The following MYH15 variants were observed in gnomAD, a reference collection of about 807,000 sequenced individuals.
MYH15 encodes myosin-15.
In MYH15, 227 loss-of-function variants were observed where a neutral mutation model predicts 240.5. The ratio of observed to expected loss-of-function variants is 0.94; its 90% CI spans 0.85 to 1.05. The LOEUF (loss-of-function observed/expected upper bound fraction) is 1.05, where lower values mean the gene tolerates loss of function less well. Among genes scored for constraint, MYH15 ranks in the 50% least tolerant of loss-of-function variants. The probability of loss-of-function intolerance (pLI) is 0.00; values close to 1 mark genes in which losing one functional copy is unlikely to be tolerated. For synonymous variants in MYH15, 785 were observed against 796.7 expected (o/e 0.99, Z 0.25); for missense variants, 2,217 against 2,247.5 (o/e 0.99, Z 0.27).
At chr3:108,404,751 A>G (rs746295398) in intron 33 of MYH15, among the ~76,000 whole-genome samples, 99 of 152,196 alleles carry the variant, frequency 6.5e-4, no homozygotes, top group Non-Finnish European at 1.3e-3. Flanking sequence ...CTCCTCTTCA[A>G]ACAAATGGCT....
At chr3:108,450,310 T>C (rs957584048) in intron 21 of MYH15, among the ~76,000 whole-genome samples, 5 of 152,288 alleles carry the variant, frequency 3.3e-5, no homozygotes, top group African/African-American at 1.2e-4. Flanking sequence ...TAAGTGTTCA[T>C]TGACAAATAA....
At chr3:108,422,577 T>C (rs1369510704) in intron 27 of MYH15, among the ~76,000 whole-genome samples, 5 of 152,222 alleles carry the variant, frequency 3.3e-5, no homozygotes. Context: ...CAGCAGTTAA[T>C]TTATTGGGTG....
rs201267238 is a variant in MYH15, at chr3:108,416,753, A to AT, written c.3948+58dup. 680 of 1,201,664 alleles carry AT rather than the reference A, an allele frequency of 5.7e-4. 1 individual carries two copies. The African/African-American group carries it at 0.013, about 22-fold the overall frequency. 74.4% of individuals were successfully genotyped at this position (1,201,664 alleles called of 1,614,324 possible). A position where few individuals can be genotyped will look rare whatever the true frequency, so the allele number is the denominator to read the frequency against. ...TCTTCAGGCTGATTCATCAAGCACTATTTTTTAAAAAAAAAAACACACAGT... is the reference window on the plus strand; with the variant it reads ...TCTTCAGGCTGATTCATCAAGCACTATTTTTTTAAAAAAAAAAACACACAGT... On this transcript the variant is annotated intron_variant, in intron 29 of 40. Transcript: ENST00000693548.
chr3:108,436,641 C>T (rs901486090), intron 25 of MYH15, among the ~76,000 whole-genome samples: 4 of 152,138 alleles, frequency 2.6e-5, no homozygotes, highest in African/African-American at 9.7e-5. Context: ...TGGGTTCAAG[C>T]GATTCTCCTG....
intron 32 of MYH15, among the ~76,000 whole-genome samples, chr3:108,406,335 G>A (rs979822041): frequency 1.3e-5 from 2 of 152,000 alleles, no homozygotes; most frequent in African/African-American, 2.4e-5. Flanking sequence ...TAGCAGATAT[G>A]ACAAAATGTA....
At chr3:108,394,628 C>G (rs538819040) in intron 35 of MYH15, among the ~76,000 whole-genome samples, 36 of 152,168 alleles carry the variant, frequency 2.4e-4, no homozygotes, top group Non-Finnish European at 4.7e-4. Context: ...TTTTGTACTT[C>G]CCTTCCTATC....
chr3:108,427,161 C>T (rs547585645), intron 27 of MYH15, among the ~76,000 whole-genome samples: 33 of 152,288 alleles, frequency 2.2e-4, no homozygotes, highest in Admixed American at 1.3e-3. Context: ...TTTGAGTTGA[C>T]GCTGAAATGA....
At chr3:108,409,419 T>C (rs778615805) in intron 31 of MYH15, among the ~76,000 whole-genome samples, 2 of 152,168 alleles carry the variant, frequency 1.3e-5, no homozygotes, top group Non-Finnish European at 2.9e-5. Context: ...TGGAAAACTG[T>C]CAGAAATACA....
chr3:108,455,680 T>C, intron 20 of MYH15, 56 bp downstream of exon 20: 1 of 1,579,800 alleles, frequency 6.3e-7, no homozygotes, highest in Non-Finnish European at 8.7e-7. Flanking sequence ...TATTTTAAGA[T>C]ACACAGTCTT....
At chr3:108,490,189 G>A (rs909189457) in intron 9 of MYH15, among the ~76,000 whole-genome samples, 4 of 152,194 alleles carry the variant, frequency 2.6e-5, no homozygotes, top group Non-Finnish European at 5.9e-5. Flanking sequence ...AAGGTGGGGA[G>A]GAGAATACGT....
At chr3:108,471,909 C>T (rs1382819294) in intron 12 of MYH15, among the ~76,000 whole-genome samples, 1 of 152,206 alleles carries the variant, frequency 6.6e-6, no homozygotes, top group Non-Finnish European at 1.5e-5. Context: ...GCTGTAGCTG[C>T]TATAAATTGT....
intron 12 of MYH15, among the ~76,000 whole-genome samples, chr3:108,474,780 C>G (rs1440687404): frequency 6.6e-6 from 1 of 152,132 alleles, no homozygotes; most frequent in South Asian, 2.1e-4. Context: ...AACTCTAACC[C>G]CCTGCCAAGA....
chr3:108,525,046 A>C (rs1227456628), intron 1 of MYH15, among the ~76,000 whole-genome samples: 1 of 152,074 alleles, frequency 6.6e-6, no homozygotes, highest in Non-Finnish European at 1.5e-5. Flanking sequence ...AGTTACACCT[A>C]GTTGCAAAGG....
chr3:108,398,941 AT>A (rs1395355116), intron 34 of MYH15, 101 bp from the exon 35 acceptor site: 26 of 1,447,546 alleles, frequency 1.8e-5, no homozygotes, highest in African/African-American at 2.8e-5. Flanking sequence ...AGACATAAGC[AT>A]GCTCCTTCTC....
rs753357225 is a variant in MYH15, at chr3:108,500,101, G to T, written c.496+17C>A. The T allele has an allele frequency of 3.5e-5, 57 of 1,606,246 alleles. No individual in the cohort carries two copies. The highest frequency in any genetic ancestry group is 4.8e-5 in the Non-Finnish European group (56 of 1,176,864). ...ATCAGATATTTTTACTTTTCATTTTGTAGGGCAGCTACTCACTGTGAAGCA... is the reference window on the plus strand; with the variant it reads ...ATCAGATATTTTTACTTTTCATTTTTTAGGGCAGCTACTCACTGTGAAGCA... On this transcript the variant is annotated intron_variant, in intron 4 of 40. Transcript: ENST00000693548.
At position 108,459,456 on chromosome 3, in the gene MYH15, T is replaced by C. The variant is rs2083053015; in HGVS notation, c.1933-7A>G. ...TCAATTTATTCAGGTTTTCCTAAAATGGAGACCATAATAAACACAAAATCA... is the reference window on the plus strand; with the variant it reads ...TCAATTTATTCAGGTTTTCCTAAAACGGAGACCATAATAAACACAAAATCA... On this transcript the variant is annotated splice_region_variant and splice_polypyrimidine_tract_variant and intron_variant, in intron 17 of 40. Transcript: ENST00000693548. 13 of 1,579,496 alleles carry C rather than the reference T, an allele frequency of 8.2e-6. No individual in the cohort carries two copies. The highest frequency in any genetic ancestry group is 1.2e-5 in the South Asian group (1 of 86,394).
chr3:108,441,322 A>G, intron 22 of MYH15, 62 bp from the exon 23 acceptor site: 1 of 1,584,396 alleles, frequency 6.3e-7, no homozygotes, highest in East Asian at 2.2e-5. Context: ...CTAGGCGAAA[A>G]TGCTGCTTAA....
chr3:108,522,502 T>C (rs2083627970), intron 1 of MYH15, among the ~76,000 whole-genome samples: 1 of 152,144 alleles, frequency 6.6e-6, no homozygotes, highest in African/African-American at 2.4e-5. Flanking sequence ...ATAGTTGCTG[T>C]ATTCAAATGA....
At chr3:108,447,999 T>C (rs1014513839) in intron 21 of MYH15, among the ~76,000 whole-genome samples, 5 of 152,118 alleles carry the variant, frequency 3.3e-5, no homozygotes, top group Admixed American at 3.3e-4. Context: ...TTAAGAGTTT[T>C]TATATGTAGT....
Sources: gnomAD v4.1 joint callset for allele counts (sites outside exome capture counted in the v4.1 genomes callset) on GRCh38, gnomAD v4.1.1 for gene constraint, MANE v1.5 for transcripts, NCBI Gene and HGNC (gene_info 2026-07-23, HGNC 2026-07-21) for gene names.